ATG10: variants seen among roughly 807,000 people sequenced by gnomAD.
The protein encoded by ATG10 is ubiquitin-like-conjugating enzyme ATG10.
Under a neutral mutation model 32.1 loss-of-function variants are expected in ATG10, and 30 were observed. The observed-to-expected ratio is 0.94, with a 90% CI of 0.70 to 1.27. The LOEUF (loss-of-function observed/expected upper bound fraction) is 1.27. Ranked by LOEUF, ATG10 falls within the 50% of genes most tolerant of loss-of-function variation. The pLI, the probability that ATG10 is intolerant of heterozygous loss-of-function variation, is 0.00. For missense variants in ATG10, 233 were observed against 262.3 expected (o/e 0.89, Z 0.77); for synonymous variants, 87 against 91.5 (o/e 0.95, Z 0.28).
rs1189095698 is a variant in ATG10 at position 82,220,635 on chromosome 5, C to CTT, written c.454-31916_454-31915dup. On this transcript the variant is annotated intron_variant, in intron 5 of 7. Transcript: ENST00000282185. ...ATGTACTCCATCTCTCTCTCTCTCT[C>CTT]TTTTTTTTTTTTAAGATGGAGTCTT... 2.8e-5 allele frequency among the ~76,000 whole-genome samples: 4 copies of CTT among 143,154 alleles called. 1 individual carries two copies. The highest frequency in any genetic ancestry group is 7.0e-5 in the Admixed American group (1 of 14,274). The allele number at this position is 143,154 out of a possible 152,430, so 93.9% of individuals were successfully genotyped here. A position where few individuals can be genotyped will look rare whatever the true frequency, so the allele number is the denominator to read the frequency against.
At chr5:82,160,206 A>G (rs147187374) in intron 3 of ATG10, among the ~76,000 whole-genome samples, 5 of 152,260 alleles carry the variant, frequency 3.3e-5, no homozygotes, top group Admixed American at 3.3e-4. Flanking sequence ...GTCCCCCAAC[A>G]CTAATCTGCG....
At chr5:82,124,495 T>A (rs1353397523) in intron 3 of ATG10, among the ~76,000 whole-genome samples, 1 of 151,714 alleles carries the variant, frequency 6.6e-6, no homozygotes, top group Non-Finnish European at 1.5e-5. Flanking sequence ...TTCCCCTCCC[T>A]GTGCCGTGCA....
chr5:82,165,371 C>G (rs1299432357), intron 4 of ATG10, among the ~76,000 whole-genome samples: 2 of 152,210 alleles, frequency 1.3e-5, no homozygotes, highest in African/African-American at 4.8e-5. Context: ...TGAATTTAGC[C>G]AATGATATTT....
intron 5 of ATG10, among the ~76,000 whole-genome samples, chr5:82,226,172 GC>G (rs1379373069): frequency 6.6e-6 from 1 of 152,106 alleles, no homozygotes. Context: ...CTTTTTGATT[GC>G]CAGCTCTCTG....
intron 1 of ATG10, among the ~76,000 whole-genome samples, chr5:81,983,467 C>A (rs1379151767): frequency 2.1e-5 from 3 of 144,644 alleles, no homozygotes; most frequent in Admixed American, 1.4e-4. Flanking sequence ...GGGTCTGACC[C>A]CCCCCACCTC....
chr5:81,987,689 A>G lies in ATG10; in HGVS notation c.108+11A>G. The stretch of plus-strand genomic sequence containing the variant: ...TGGAGACCATCAAAGGTAAGAATGG[A>G]AATGTTTGTTTTCTGTCTCAAAAGA... On this transcript the variant is annotated intron_variant, in intron 2 of 7. Coordinates refer to ENST00000282185, the MANE Select transcript of ATG10 (RefSeq NM_031482.5). 1 of 1,585,938 alleles carries G rather than the reference A, an allele frequency of 6.3e-7. No individual in the cohort carries two copies. Among genetic ancestry groups the G allele is most frequent in the East Asian group, 2.3e-5 (1 of 44,360 alleles).
intron 5 of ATG10, among the ~76,000 whole-genome samples, chr5:82,189,046 T>G (rs1296983102): frequency 6.6e-6 from 1 of 152,226 alleles, no homozygotes. Context: ...TTGTGCCAGT[T>G]ACATTTTTTT....
chr5:82,243,418 CTA>C (rs1746883453), intron 5 of ATG10, among the ~76,000 whole-genome samples: 1 of 152,000 alleles, frequency 6.6e-6, no homozygotes, highest in African/African-American at 2.4e-5. Context: ...AAAAATCCGT[CTA>C]TGTTCTTTTT....
At chr5:81,981,302 T>G (rs1475333661) in intron 1 of ATG10, among the ~76,000 whole-genome samples, 1 of 152,240 alleles carries the variant, frequency 6.6e-6, no homozygotes, top group Non-Finnish European at 1.5e-5. Context: ...TTATTTTGGG[T>G]CTTCAGAATC....
chr5:82,047,141 C>T (rs547766134), intron 2 of ATG10, among the ~76,000 whole-genome samples: 1 of 152,102 alleles, frequency 6.6e-6, no homozygotes, highest in South Asian at 2.1e-4. Flanking sequence ...CGATAGCAGG[C>T]CCCCCATGTC....
intron 3 of ATG10, among the ~76,000 whole-genome samples, chr5:82,136,679 T>C (rs1463144658): frequency 6.6e-6 from 1 of 152,140 alleles, no homozygotes; most frequent in Non-Finnish European, 1.5e-5. Context: ...GTGAAGCTGA[T>C]GATTATATGT....
intron 3 of ATG10, among the ~76,000 whole-genome samples, chr5:82,119,543 C>T (rs898348614): frequency 2.0e-5 from 3 of 152,054 alleles, no homozygotes; most frequent in Non-Finnish European, 2.9e-5. Flanking sequence ...TCACTGCAAC[C>T]TCCGCCTCCT....
At chr5:82,024,381 T>G (rs1296359972) in intron 2 of ATG10, among the ~76,000 whole-genome samples, 1 of 152,238 alleles carries the variant, frequency 6.6e-6, no homozygotes, top group East Asian at 1.9e-4. Flanking sequence ...TGCAAGGACA[T>G]CAGTACAGAA....
chr5:82,245,422 G>A (rs900259959), intron 5 of ATG10, among the ~76,000 whole-genome samples: 15 of 152,142 alleles, frequency 9.9e-5, no homozygotes. Context: ...TACTTTCCGT[G>A]AATACAAATT....
chr5:82,014,223 T>C (rs984161607), intron 2 of ATG10, among the ~76,000 whole-genome samples: 1 of 152,204 alleles, frequency 6.6e-6, no homozygotes, highest in Non-Finnish European at 1.5e-5. Context: ...TTCTTTTACA[T>C]TTGCTGAGGA....
intron 2 of ATG10, among the ~76,000 whole-genome samples, chr5:82,037,628 T>C (rs963172838): frequency 2.0e-5 from 3 of 152,206 alleles, no homozygotes; most frequent in African/African-American, 7.2e-5. Context: ...AATGGAAATG[T>C]TTATAATATT....
rs540031361 is a variant in ATG10, at chr5:82,158,250, A to G, written c.217-6149A>G. On this transcript the variant is annotated intron_variant, in intron 3 of 7. Transcript: ENST00000282185. ...AGCTCTTGAATGAATGTAATTTTCTAAATACACATATCTTCATGAAATAGC... is the reference window on the plus strand; with the variant it reads ...AGCTCTTGAATGAATGTAATTTTCTGAATACACATATCTTCATGAAATAGC... Among the ~76,000 whole-genome samples the G allele has an allele frequency of 4.1e-4, 62 of 152,326 alleles. 1 individual carries two copies. Among genetic ancestry groups the G allele is most frequent in the African/African-American group, 1.4e-3 (58 of 41,582 alleles).
chr5:82,121,429 C>T (rs1766034796), intron 3 of ATG10, among the ~76,000 whole-genome samples: 2 of 152,184 alleles, frequency 1.3e-5, no homozygotes, highest in South Asian at 4.1e-4. Flanking sequence ...GACTCCCTCT[C>T]TTCCTATTAA....
chr5:82,229,334 T>G (rs551188694), intron 5 of ATG10, among the ~76,000 whole-genome samples: 4 of 152,318 alleles, frequency 2.6e-5, no homozygotes, highest in Admixed American at 1.3e-4. Context: ...GGAACTATTT[T>G]CTACTTTAAA....
Sources: gnomAD v4.1 joint callset for allele counts (sites outside exome capture counted in the v4.1 genomes callset) on GRCh38, gnomAD v4.1.1 for gene constraint, MANE v1.5 for transcripts, NCBI Gene and HGNC (gene_info 2026-07-23, HGNC 2026-07-21) for gene names.